The following AFF3 variants were observed in gnomAD, a reference collection of about 807,000 sequenced individuals.
AFF3 encodes AF4/FMR2 family member 3.
A neutral mutation model predicts 129.7 loss-of-function variants in AFF3; 32 were observed. That is an observed-to-expected ratio of 0.25 (90% confidence interval 0.19 to 0.33). The LOEUF (loss-of-function observed/expected upper bound fraction) is 0.33. AFF3 is among the 10% of genes least tolerant of loss of function. The pLI, the probability that AFF3 is intolerant of heterozygous loss-of-function variation, is 1.00. For synonymous variants in AFF3, 644 were observed against 635.4 expected, an observed-to-expected ratio of 1.01 and a Z score of -0.20; for missense variants, 1,373 against 1,592.0, an observed-to-expected ratio of 0.86 and a Z score of 2.34.
At chr2:99,552,078 G>C (rs1226374983) in intron 24 of AFF3, among the ~76,000 whole-genome samples, 2 of 152,150 alleles carry the variant, frequency 1.3e-5, no homozygotes, top group Non-Finnish European at 2.9e-5. Context: ...CCCTAGGTTT[G>C]CCCTTTCACC....
chr2:100,105,728 C>T, intron 2 of AFF3, 145 bp from the exon 3 acceptor site: 1 of 1,362,766 alleles, frequency 7.3e-7, no homozygotes, highest in Non-Finnish European at 9.8e-7. Context: ...TCTGCTTCTC[C>T]ACAGTTGGCC....
At chr2:99,747,904 G>A (rs1681304048) in intron 9 of AFF3, among the ~76,000 whole-genome samples, 1 of 152,144 alleles carries the variant, frequency 6.6e-6, no homozygotes, top group African/African-American at 2.4e-5. Context: ...GTGCCACTCT[G>A]CGGGTACAAA....
intron 7 of AFF3, among the ~76,000 whole-genome samples, chr2:99,927,943 C>T (rs377352401): frequency 3.5e-4 from 53 of 152,036 alleles, no homozygotes; most frequent in Non-Finnish European, 5.3e-4. Context: ...AGGTGTTTCC[C>T]GTGCTGTTCT....
intron 11 of AFF3, among the ~76,000 whole-genome samples, chr2:99,675,441 C>G (rs1687521412): frequency 1.3e-5 from 2 of 152,198 alleles, no homozygotes; most frequent in Non-Finnish European, 2.9e-5. Context: ...GAGGTACACC[C>G]TGAGGAGACC....
chr2:99,784,900 G>T (rs1293888499), intron 8 of AFF3, among the ~76,000 whole-genome samples: 1 of 152,202 alleles, frequency 6.6e-6, no homozygotes, highest in Non-Finnish European at 1.5e-5. Flanking sequence ...TGATCAGGAG[G>T]TTGTGTTCAG....
At chr2:99,977,105 A>G (rs1678971527) in intron 7 of AFF3, among the ~76,000 whole-genome samples, 1 of 152,202 alleles carries the variant, frequency 6.6e-6, no homozygotes, top group African/African-American at 2.4e-5. Flanking sequence ...AGACTTCAAA[A>G]ATAGGATAGA....
At chr2:99,560,771 G>A (rs897696466) in intron 20 of AFF3, among the ~76,000 whole-genome samples, 1 of 152,212 alleles carries the variant, frequency 6.6e-6, no homozygotes, top group African/African-American at 2.4e-5. Flanking sequence ...TTATGGCTGA[G>A]TGTCTGACAG....
At chr2:99,991,337 A>C (rs1680316926) in intron 7 of AFF3, among the ~76,000 whole-genome samples, 2 of 151,924 alleles carry the variant, frequency 1.3e-5, no homozygotes, top group African/African-American at 4.8e-5. Flanking sequence ...TTAGCACTGC[A>C]GGAAACTCAG....
At chr2:99,826,672 G>A (rs1474685632) in intron 8 of AFF3, among the ~76,000 whole-genome samples, 1 of 152,178 alleles carries the variant, frequency 6.6e-6, no homozygotes, top group African/African-American at 2.4e-5. Flanking sequence ...AGCATGGAGT[G>A]TGAGGGGCAA....
intron 2 of AFF3, among the ~76,000 whole-genome samples, chr2:100,127,168 C>T (rs1409360558): frequency 1.3e-5 from 2 of 152,070 alleles, no homozygotes; most frequent in African/African-American, 2.4e-5. Context: ...AAAAAATGAC[C>T]GAGGCTCCCC....
At chr2:99,996,702 T>C (rs1424514282) in intron 7 of AFF3, among the ~76,000 whole-genome samples, 1 of 152,102 alleles carries the variant, frequency 6.6e-6, no homozygotes, top group Non-Finnish European at 1.5e-5. Context: ...CTTAATGTTA[T>C]CTAAATTTTT....
intron 4 of AFF3, among the ~76,000 whole-genome samples, chr2:100,012,843 G>A (rs1425269774): frequency 6.6e-6 from 1 of 152,176 alleles, no homozygotes; most frequent in Non-Finnish European, 1.5e-5. Flanking sequence ...CACGTTATGA[G>A]TTATGTTTCT....
intron 13 of AFF3, among the ~76,000 whole-genome samples, chr2:99,628,593 G>A (rs1255158960): frequency 6.7e-6 from 1 of 149,974 alleles, no homozygotes; most frequent in Non-Finnish European, 1.5e-5. Context: ...GTCTCGCTCT[G>A]TCACCCATGC....
At chr2:99,855,267 C>T (rs1009440535) in intron 7 of AFF3, among the ~76,000 whole-genome samples, 2 of 152,032 alleles carry the variant, frequency 1.3e-5, no homozygotes, top group Non-Finnish European at 2.9e-5. Flanking sequence ...AGTCTGAATA[C>T]AGTAAAAACT....
chr2:99,927,544 A>G (rs1055945980), intron 7 of AFF3, among the ~76,000 whole-genome samples: 6 of 152,124 alleles, frequency 3.9e-5, no homozygotes, highest in Admixed American at 3.3e-4. Context: ...ACATGGACAC[A>G]TAGAAGGAAA....
intron 24 of AFF3, among the ~76,000 whole-genome samples, chr2:99,552,718 G>A (rs933491417): frequency 3.3e-5 from 5 of 152,142 alleles, no homozygotes; most frequent in African/African-American, 1.2e-4. Context: ...GCAGGTAGGG[G>A]TAGGGGAACA....
intron 8 of AFF3, among the ~76,000 whole-genome samples, chr2:99,784,053 A>C (rs1222857159): frequency 6.6e-6 from 1 of 152,252 alleles, no homozygotes; most frequent in Non-Finnish European, 1.5e-5. Context: ...GAAAACACTA[A>C]GGTAACCTCT....
intron 8 of AFF3, among the ~76,000 whole-genome samples, chr2:99,823,689 A>G (rs570761923): frequency 6.6e-6 from 1 of 152,356 alleles, no homozygotes; most frequent in Non-Finnish European, 1.5e-5. Flanking sequence ...TAGCAAAGAC[A>G]TGGAATCAGT....
intron 8 of AFF3, among the ~76,000 whole-genome samples, chr2:99,761,681 A>G (rs972852183): frequency 1.3e-5 from 2 of 152,230 alleles, no homozygotes; most frequent in African/African-American, 4.8e-5. Context: ...TTAGCTTACA[A>G]TAGGTTCAAC....
Sources: allele counts gnomAD v4.1 joint callset (sites outside exome capture counted in the v4.1 genomes callset), GRCh38; gene constraint gnomAD v4.1.1; transcripts MANE v1.5; gene names NCBI Gene and HGNC (gene_info 2026-07-23, HGNC 2026-07-21).